Variants in KCNH4 observed in about 807,000 individuals in gnomAD.
KCNH4 encodes the protein potassium voltage-gated channel subfamily H member 4.
A neutral mutation model predicts 90.7 loss-of-function variants in KCNH4; 33 were observed. The ratio of observed to expected loss-of-function variants is 0.36; its 90% CI spans 0.28 to 0.49. The LOEUF (loss-of-function observed/expected upper bound fraction) is 0.49, where lower values mean the gene tolerates loss of function less well. KCNH4 is among the 20% of genes least tolerant of loss of function. The pLI, the probability that KCNH4 is intolerant of heterozygous loss-of-function variation, is 0.98. For synonymous variants in KCNH4, 551 were observed against 581.7 expected (o/e 0.95, Z 0.76); for missense variants, 1,044 against 1,387.1 (o/e 0.75, Z 3.93).
chr17:42,164,570 A>T (rs2079773046), intron 11 of KCNH4, among the ~76,000 whole-genome samples: 1 of 152,202 alleles, frequency 6.6e-6, no homozygotes, highest in Non-Finnish European at 1.5e-5. Flanking sequence ...TGGGAGGCTG[A>T]GGCGGGTGGA....
Position 42,163,282 on chromosome 17 carries a change from G to C in KCNH4, c.2530C>G (p.Arg844Gly). 6.2e-7 allele frequency: 1 copy of C among 1,614,112 alleles called. No homozygotes were observed. Among genetic ancestry groups the C allele is most frequent in the Non-Finnish European group, 8.5e-7 (1 of 1,180,024 alleles). Residue 844 changes from arginine (R) to glycine (G), a missense_variant, in exon 14 of 17, where the codon CGA (arginine) becomes GGA (glycine). Arg to Gly is a moderately radical substitution (Grantham distance 125). This residue lies in a region of KCNH4 where 441 missense variants were observed against 512.3 expected (regional missense o/e 0.86). Coordinates refer to ENST00000264661, the MANE Select transcript of KCNH4 (RefSeq NM_012285.3). The surrounding 1 kb of genome is among the most constrained non-coding windows in gnomAD (Gnocchi z 5.4). ...SGSTAEAPSFRFSRRPELPRP... is the reference protein window; with the variant it reads ...SGSTAEAPSFGFSRRPELPRP... ...GGCAGTTCAGGCCTCCTGCTGAATC[G>C]GAATGAAGGGGCCTCAGCTGTGCTG... is the stretch of plus-strand genomic sequence containing the variant.
chr17:42,164,212 CG>C, intron 11 of KCNH4, 44 bp from the exon 12 acceptor site: 1 of 1,505,264 alleles, frequency 6.6e-7, no homozygotes, highest in Non-Finnish European at 8.9e-7. Flanking sequence ...TGCCTTCCCG[CG>C]GCCATAGCGC....
chr17:42,171,724 G>A (rs941426578), intron 7 of KCNH4, 64 bp downstream of exon 7: 2 of 1,419,390 alleles, frequency 1.4e-6, no homozygotes, highest in African/African-American at 2.8e-5. Context: ...ACTGGTGGAG[G>A]CATCAGCTTG....
chr17:42,171,874 G>A lies in KCNH4; in HGVS notation c.1109C>T (p.Ala370Val), dbSNP rs749177652. 29 of 1,614,016 alleles carry A rather than the reference G, an allele frequency of 1.8e-5. No individual in the cohort carries two copies. Among genetic ancestry groups the A allele is most frequent in the African/African-American group, 8.0e-5 (6 of 74,908 alleles). The part of the protein sequence containing the change: ...VVLTLLMSVF[A>V]LLAHWMACIW... ...GCAGGCCATCCAGTGGGCAAGGAGC[G>A]CAAAGACCGACATGAGCAGCGTGAG... The change falls in exon 7 of 17, where the codon GCG becomes GTG. Residue 370 changes from alanine (A) to valine (V), a missense_variant. Ala to Val is a moderately conservative substitution (Grantham distance 64, BLOSUM62 0). Transcript: ENST00000264661.
In KCNH4 at chr17:42,175,853, G is replaced by A. The variant is rs996443431; in HGVS notation, c.830-117C>T. The A allele has an allele frequency of 6.7e-6, 9 of 1,349,332 alleles. No individual in the cohort carries two copies. The Admixed American group carries it at 1.6e-4, about 25-fold the overall frequency. The allele number at this position is 1,349,332 out of a possible 1,614,324, so 83.6% of individuals were successfully genotyped here. A position where few individuals can be genotyped will look rare whatever the true frequency, so the allele number is the denominator to read the frequency against. On this transcript the variant is annotated intron_variant, in intron 5 of 16. Coordinates refer to ENST00000264661, the MANE Select transcript of KCNH4 (RefSeq NM_012285.3). ...AGGCAGGCATGGAGAGATAGATTGG[G>A]CTTCTGGCTGGTCCTTAGGGAGGAT...
rs2079766881 is a variant in KCNH4, at chr17:42,163,829, C to T, written c.2254G>A (p.Ala752Thr). The T allele has an allele frequency of 5.9e-6, 9 of 1,519,490 alleles. No individual in the cohort carries two copies. In the South Asian group the frequency reaches 8.8e-5, roughly 15 times the overall value. The allele number at this position is 1,519,490 out of a possible 1,614,324, so 94.1% of individuals were successfully genotyped here. A position where few individuals can be genotyped will look rare whatever the true frequency, so the allele number is the denominator to read the frequency against. Residue 752 changes from alanine to threonine, a missense_variant, in exon 13 of 17, where the codon GCA becomes ACA. This residue lies in a region of KCNH4 where 441 missense variants were observed against 512.3 expected (regional missense o/e 0.86). Coordinates refer to ENST00000264661, the MANE Select transcript of KCNH4 (RefSeq NM_012285.3). The surrounding 1 kb of genome is among the most constrained non-coding windows in gnomAD (Gnocchi z 5.4). The part of the protein sequence containing the change: ...RPLLLPNLSP[A>T]RPRGSLVSLL... ...CTGACCAGGGAGCCCCGAGGCCGTGCTGGGCTGAGGTTGGGCAGCAGGAGG... is the reference window on the plus strand; with the variant it reads ...CTGACCAGGGAGCCCCGAGGCCGTGTTGGGCTGAGGTTGGGCAGCAGGAGG...
At chr17:42,165,807 T>G in intron 10 of KCNH4, 114 bp from the exon 11 acceptor site, 1 of 1,265,816 alleles carries the variant, frequency 7.9e-7, no homozygotes, top group Non-Finnish European at 1.1e-6. Context: ...TGGTTGAAGG[T>G]GGGCCAGTCA....
chr17:42,172,536 AACACAC>A (rs55671197), intron 6 of KCNH4, among the ~76,000 whole-genome samples: 6,469 of 136,674 alleles, frequency 0.047, 277 homozygotes, highest in East Asian at 0.24. Context: ...CTTATTTAAC[AACACAC>A]ACACACACAC....
chr17:42,160,099 G>A lies in KCNH4; in HGVS notation c.2995C>T (p.Pro999Ser). ...LGPSPVPEASPPTPSLLRHSF... is the reference protein window; with the variant it reads ...LGPSPVPEASSPTPSLLRHSF... The stretch of plus-strand genomic sequence containing the variant: ...TGCCTCAAGAGGCTTGGGGTTGGGG[G>A]TGAGGCCTCTGGCACTGGAGAGGGT... The change falls in exon 16 of 17, where the codon CCC becomes TCC. Residue 999 changes from proline to serine, a missense_variant. Pro to Ser is a moderately conservative substitution (Grantham distance 74, BLOSUM62 -1). This residue lies in a region of KCNH4 where 441 missense variants were observed against 512.3 expected (regional missense o/e 0.86). Transcript: ENST00000264661. The A allele has an allele frequency of 8.2e-6, 13 of 1,577,520 alleles. No individual in the cohort carries two copies. Among genetic ancestry groups the A allele is most frequent in the East Asian group, 2.2e-5 (1 of 44,508 alleles).
Position 42,165,820 on chromosome 17 carries a change from G to T in KCNH4, c.1841-127C>A, listed in dbSNP as rs1001074741. On this transcript the variant is annotated intron_variant, in intron 10 of 16. Coordinates refer to ENST00000264661, the MANE Select transcript of KCNH4 (RefSeq NM_012285.3). ...GATGGTTGAAGGTGGGCCAGTCAAT[G>T]GGATTGGTGGAAATAACCAATGGAA... is the stretch of plus-strand genomic sequence containing the variant. The T allele has an allele frequency of 6.4e-6, 7 of 1,094,588 alleles. No homozygotes were observed. The Middle Eastern group carries it at 7.5e-4, about 118-fold the overall frequency. The allele number at this position is 1,094,588 out of a possible 1,614,324, so 67.8% of individuals were successfully genotyped here.
Position 42,162,314 on chromosome 17 carries a change from C to G in KCNH4, c.2592G>C (p.Arg864Ser). 6 of 1,613,916 alleles carry G rather than the reference C, an allele frequency of 3.7e-6. No individual in the cohort carries two copies. The highest frequency in any genetic ancestry group is 5.1e-6 in the Non-Finnish European group (6 of 1,179,890). The change falls in exon 15 of 17, where the codon AGG (arginine) becomes AGC (serine). Residue 864 changes from arginine (R) to serine (S), a missense_variant. Around this residue, in one of 4 missense-constraint regions of KCNH4, gnomAD observed 441 missense variants for 512.3 expected, o/e 0.86. Coordinates refer to ENST00000264661, the MANE Select transcript of KCNH4 (RefSeq NM_012285.3). ...CCTCACTGGCCAATTCTGGGCTGGG[C>G]CTGGTCCCTGCAGGGTGAAGGGATG... is the stretch of plus-strand genomic sequence containing the variant. ...PRSQAPPTGT[R>S]PSPELASEAE... is the part of the protein sequence containing the mutation.
At position 42,169,577 on chromosome 17, in the gene KCNH4, T is replaced by G. The variant is rs750196475; in HGVS notation, c.1490A>C (p.Asp497Ala). The change falls in exon 9 of 17, where the codon GAC (aspartate) becomes GCC (alanine). Residue 497 changes from aspartate to alanine, a missense_variant. Physicochemically the swap from Asp to Ala is moderately radical, Grantham distance 126 (BLOSUM62 -2). Around this residue, in one of 4 missense-constraint regions of KCNH4, gnomAD observed 318 missense variants for 479.6 expected, o/e 0.66. Transcript: ENST00000264661. ...LYHSRMKDLK[D>A]FIRVHRLPRP... ...CGGCAGGCGGTGCACACGGATGAAG[T>G]CCTTGAGGTCCTTCATGCGGCTGTG... is the stretch of plus-strand genomic sequence containing the variant. The G allele has an allele frequency of 6.2e-7, 1 of 1,613,868 alleles. No homozygotes were observed. Among genetic ancestry groups the G allele is most frequent in the East Asian group, 2.2e-5 (1 of 44,884 alleles).
At position 42,160,167 on chromosome 17, in the gene KCNH4, G is replaced by A. The variant is rs1171857548; in HGVS notation, c.2927C>T (p.Pro976Leu). The A allele has an allele frequency of 1.2e-6, 2 of 1,613,250 alleles. No homozygotes were observed. Among genetic ancestry groups the A allele is most frequent in the Admixed American group, 1.7e-5 (1 of 59,982 alleles). ...ETGTALLDLR[P>L]SILPPYPSEP... ...TGAGGGGTAGGGGGGCAATATGGAA[G>A]GTCTCAAGTCCAGGAGCGCAGTCCC... Residue 976 changes from proline to leucine, a missense_variant, in exon 16 of 17, where the codon CCT (proline) becomes CTT (leucine). Pro to Leu is a moderately conservative substitution (Grantham distance 98, BLOSUM62 -3). Coordinates refer to ENST00000264661, the MANE Select transcript of KCNH4 (RefSeq NM_012285.3).
chr17:42,177,355 T>C (rs1015939600), intron 4 of KCNH4, among the ~76,000 whole-genome samples: 11 of 151,600 alleles, frequency 7.3e-5, no homozygotes, highest in African/African-American at 2.4e-4. Context: ...GGCCTCCAGA[T>C]AATTTTTAAT....
intron 7 of KCNH4, among the ~76,000 whole-genome samples, chr17:42,170,758 C>T (rs2079821573): frequency 6.6e-6 from 1 of 152,190 alleles, no homozygotes; most frequent in Non-Finnish European, 1.5e-5. Context: ...GGACATGGTG[C>T]CTGGAAGGCA....
At chr17:42,161,929 C>T (rs1371422411) in intron 15 of KCNH4, among the ~76,000 whole-genome samples, 1 of 150,044 alleles carries the variant, frequency 6.7e-6, no homozygotes, top group Non-Finnish European at 1.5e-5. Flanking sequence ...CCAAGGTCAT[C>T]TAGCTAGCGT....
chr17:42,164,353 A>G (rs1230427288), intron 11 of KCNH4, among the ~76,000 whole-genome samples, 185 bp from the exon 12 acceptor site: 5 of 152,210 alleles, frequency 3.3e-5, no homozygotes, highest in African/African-American at 1.2e-4. Context: ...AAAGCAGCAA[A>G]AGACCAAGGC....
rs578099089 is a variant in KCNH4, at chr17:42,174,012, C to T, written c.987+1567G>A. ...CACTGCGCCCGGCCAAGCTGGAGTG[C>T]AGTGGAGCTATCTTGGCTCACTGCA... On this transcript the variant is annotated intron_variant, in intron 6 of 16. Transcript: ENST00000264661. Among the ~76,000 whole-genome samples the T allele has an allele frequency of 2.6e-5, 4 of 152,200 alleles. No homozygotes were observed. The East Asian group carries it at 7.7e-4, about 29-fold the overall frequency.
chr17:42,159,163 G>A (rs923435481), intron 16 of KCNH4, among the ~76,000 whole-genome samples: 13 of 152,020 alleles, frequency 8.6e-5, no homozygotes, highest in Admixed American at 3.9e-4. Context: ...GAGTAGCTGC[G>A]ATTACAGGCA....
Sources: gnomAD v4.1 joint callset for allele counts (sites outside exome capture counted in the v4.1 genomes callset) on GRCh38, gnomAD v4.1.1 for gene constraint, gnomAD v4.1.1 regional missense constraint, Gnocchi (gnomAD v3.1) non-coding constraint, MANE v1.5 for transcripts, NCBI Gene and HGNC (gene_info 2026-07-23, HGNC 2026-07-21) for gene names.